CCPG1: variants seen among roughly 807,000 people sequenced by gnomAD.
The protein encoded by CCPG1 is cell cycle progression 1, also known as cell cycle progression protein 1.
CCPG1 carries 46 observed loss-of-function variants against 81.3 expected under a neutral mutation model. That is an observed-to-expected ratio of 0.57 (90% CI 0.45 to 0.72). The LOEUF (loss-of-function observed/expected upper bound fraction) is 0.72, where lower values mean the gene tolerates loss of function less well. CCPG1 is among the 30% of genes least tolerant of loss of function. The pLI, the probability that CCPG1 is intolerant of heterozygous loss-of-function variation, is 0.00. For missense variants in CCPG1, 902 were observed against 937.6 expected (o/e 0.96, Z 0.50); for synonymous variants, 330 against 305.2 (o/e 1.08, Z -0.85).
intron 3 of CCPG1, among the ~76,000 whole-genome samples, chr15:55,382,329 CTAAG>C (rs1446618624): frequency 2.6e-5 from 4 of 152,174 alleles, no homozygotes; most frequent in African/African-American, 4.8e-5. Flanking sequence ...GCTTTATTAA[CTAAG>C]TTTGTGTAAT....
rs533772279 is a variant in CCPG1, at chr15:55,369,666, A to T, written c.706+2127T>A. On this transcript the variant is annotated intron_variant, in intron 6 of 8. Coordinates refer to ENST00000442196, the MANE Select transcript of CCPG1 (RefSeq NM_001204450.2). ...ATAATATGTTATCCAGGCTTTTCAT[A>T]GCCTGAAAAGGCTAATATCAAGTAA... 3.9e-5 allele frequency among the ~76,000 whole-genome samples: 6 copies of T among 152,364 alleles called. No individual in the cohort carries two copies. The South Asian group carries it at 1.0e-3, about 26-fold the overall frequency.
chr15:55,356,446 G>A, intron 8 of CCPG1, 37 bp from the exon 9 acceptor site: 1 of 1,425,360 alleles, frequency 7.0e-7, no homozygotes. Context: ...CTATGTTAGA[G>A]TTCAATGTAT....
Position 55,376,971 on chromosome 15 carries a change from A to G in CCPG1, c.432T>C (p.Tyr144=), listed in dbSNP as rs2289325. 2.6e-3 allele frequency: 4,230 copies of G among 1,613,190 alleles called. 70 individuals are homozygous for G. Among genetic ancestry groups the G allele is most frequent in the East Asian group, 0.012 (549 of 44,846 alleles). The change falls in exon 5 of 9, where the codon TAT becomes TAC. Residue 144 remains tyrosine (Y), a synonymous_variant. Transcript: ENST00000442196. ...FNMGSSSSSQ[Y]TFCQPETVFS... ...TACCAGTTTCTGGCTGACAGAAAGT[A>G]TACTGGCTGCTAGAGGAAGAGCCCA...
At chr15:55,364,224 C>A (rs1234721293) in intron 7 of CCPG1, among the ~76,000 whole-genome samples, 1 of 150,474 alleles carries the variant, frequency 6.6e-6, no homozygotes, top group African/African-American at 2.4e-5. Context: ...TAGGTAATGA[C>A]AGAATGGACA....
chr15:55,389,487 G>C, intron 1 of CCPG1, 54 bp from the exon 2 acceptor site: 1 of 1,261,456 alleles, frequency 7.9e-7, no homozygotes, highest in Non-Finnish European at 1.2e-6. Context: ...TAATTCTATA[G>C]GAAGCACTAT....
At chr15:55,387,214 C>G (rs1790223242) in intron 2 of CCPG1, among the ~76,000 whole-genome samples, 1 of 152,242 alleles carries the variant, frequency 6.6e-6, no homozygotes, top group Admixed American at 6.5e-5. Flanking sequence ...TAATGACACA[C>G]TTGACTGAGT....
In CCPG1 at chr15:55,356,088, A is replaced by T. The variant is rs2141234210; in HGVS notation, c.*132T>A. Reference sequence around the variant, plus strand: ...CTAATGCTTCTGAGGAATAATATAAAGTTATCAAACTGATACTTAGAAACA... The same window carrying T: ...CTAATGCTTCTGAGGAATAATATAATGTTATCAAACTGATACTTAGAAACA... On this transcript the variant is annotated 3_prime_UTR_variant, in exon 9 of 9. Coordinates refer to ENST00000442196, the MANE Select transcript of CCPG1 (RefSeq NM_001204450.2). The T allele has an allele frequency of 8.6e-6, 6 of 693,864 alleles. No individual in the cohort carries two copies. The South Asian group carries it at 1.2e-4, about 14-fold the overall frequency. The allele number at this position is 693,864 out of a possible 1,614,324, so 43.0% of individuals were successfully genotyped here. A position where few individuals can be genotyped will look rare whatever the true frequency, so the allele number is the denominator to read the frequency against.
intron 3 of CCPG1, 84 bp downstream of exon 3, chr15:55,385,516 C>T: frequency 1.5e-6 from 1 of 670,842 alleles, no homozygotes; most frequent in Non-Finnish European, 2.5e-6. Flanking sequence ...GCCAGAAAGG[C>T]CACCCACCTG....
intron 1 of CCPG1, among the ~76,000 whole-genome samples, chr15:55,406,216 CTTT>C (rs35010457): frequency 6.6e-5 from 9 of 137,024 alleles, no homozygotes; most frequent in African/African-American, 8.1e-5. Flanking sequence ...GGAATTGCTG[CTTT>C]TTTTTTTTTT....
intron 3 of CCPG1, among the ~76,000 whole-genome samples, chr15:55,379,508 G>C (rs555615854): frequency 6.6e-6 from 1 of 151,948 alleles, no homozygotes; most frequent in Non-Finnish European, 1.5e-5. Context: ...GCCTGGACAA[G>C]AGAGTGTGAC....
At chr15:55,375,483 A>G (rs2056546086) in intron 5 of CCPG1, among the ~76,000 whole-genome samples, 2 of 151,288 alleles carry the variant, frequency 1.3e-5, no homozygotes, top group South Asian at 4.2e-4. Context: ...CAAGGATTCT[A>G]AAATCAATTA....
chr15:55,377,799 A>C (rs552785853), intron 4 of CCPG1, among the ~76,000 whole-genome samples: 7 of 152,354 alleles, frequency 4.6e-5, no homozygotes, highest in African/African-American at 1.7e-4. Flanking sequence ...TGTCATCAGC[A>C]AACACTGAAC....
intron 1 of CCPG1, among the ~76,000 whole-genome samples, chr15:55,392,362 C>T (rs927469623): frequency 2.0e-5 from 3 of 151,840 alleles, no homozygotes; most frequent in Admixed American, 1.3e-4. Context: ...CAGGCACGCG[C>T]CACCATGCCC....
At chr15:55,393,920 C>A (rs2141327810) in intron 1 of CCPG1, among the ~76,000 whole-genome samples, 1 of 152,290 alleles carries the variant, frequency 6.6e-6, no homozygotes, top group East Asian at 1.9e-4. Context: ...TGCCCTTGAG[C>A]CCCTACGCTA....
intron 3 of CCPG1, among the ~76,000 whole-genome samples, chr15:55,379,801 T>C (rs978409694): frequency 3.3e-5 from 5 of 151,358 alleles, no homozygotes; most frequent in Non-Finnish European, 5.9e-5. Context: ...ATATTTTTAA[T>C]GAAAAAGAGC....
intron 2 of CCPG1, among the ~76,000 whole-genome samples, chr15:55,387,658 C>T (rs914642891): frequency 2.0e-5 from 3 of 151,696 alleles, no homozygotes; most frequent in African/African-American, 7.2e-5. Flanking sequence ...GATTGTCCTG[C>T]CTCAACCTCC....
At chr15:55,403,023 T>C (rs930111644) in intron 1 of CCPG1, among the ~76,000 whole-genome samples, 1 of 152,204 alleles carries the variant, frequency 6.6e-6, no homozygotes, top group Non-Finnish European at 1.5e-5. Flanking sequence ...AATAACCCAT[T>C]TGACTTTTTT....
chr15:55,406,067 G>A lies in CCPG1; in HGVS notation c.-10+2154C>T, dbSNP rs775024089. On this transcript the variant is annotated intron_variant, in intron 1 of 8. Transcript: ENST00000442196. The stretch of plus-strand genomic sequence containing the variant: ...TTTAGTAGAGACGGGGTTTTGCCAC[G>A]TTGGCCAGGCTGGCCTTGAAGTCCT... Among the ~76,000 whole-genome samples, 7 of 152,200 alleles carry A rather than the reference G, an allele frequency of 4.6e-5. No homozygotes were observed. In the South Asian group the frequency reaches 1.0e-3, roughly 22 times the overall value.
chr15:55,368,176 T>C (rs1394398827), intron 6 of CCPG1, among the ~76,000 whole-genome samples: 1 of 151,988 alleles, frequency 6.6e-6, no homozygotes, highest in African/African-American at 2.4e-5. Flanking sequence ...GGTATGGGGG[T>C]GCATCCTGGA....
Sources: gnomAD v4.1 joint callset for allele counts (sites outside exome capture counted in the v4.1 genomes callset) on GRCh38, gnomAD v4.1.1 for gene constraint, MANE v1.5 for transcripts, NCBI Gene and HGNC (gene_info 2026-07-23, HGNC 2026-07-21) for gene names.